The following LDHB variants were observed in gnomAD, a reference collection of about 807,000 sequenced individuals.
The protein encoded by LDHB is L-lactate dehydrogenase B chain.
LDHB carries 18 observed loss-of-function variants against 33.4 expected under a neutral mutation model. The observed-to-expected ratio is 0.54, with a 90% CI of 0.37 to 0.80. The LOEUF (loss-of-function observed/expected upper bound fraction) is 0.80, where lower values mean the gene tolerates loss of function less well. LDHB is among the 30% of genes least tolerant of loss of function. LDHB has a pLI of 0.00. For missense variants in LDHB, 345 were observed against 407.9 expected (o/e 0.85, Z 1.33); for synonymous variants, 121 against 140.6 (o/e 0.86, Z 0.98).
intron 4 of LDHB, 105 bp from the exon 5 acceptor site, chr12:21,642,230 A>G (rs1938395319): frequency 6.6e-6 from 5 of 759,214 alleles, no homozygotes; most frequent in Admixed American, 2.0e-5. Context: ...CCACTCCCCA[A>G]ATGAGATGTG....
At chr12:21,645,068 C>A (rs1057232992) in intron 3 of LDHB, among the ~76,000 whole-genome samples, 6 of 152,070 alleles carry the variant, frequency 3.9e-5, no homozygotes, top group African/African-American at 1.2e-4. Flanking sequence ...TAATCTGTAA[C>A]CCTACCCCCA....
intron 7 of LDHB, among the ~76,000 whole-genome samples, chr12:21,636,489 T>C (rs1279501163): frequency 6.6e-6 from 1 of 152,122 alleles, no homozygotes; most frequent in African/African-American, 2.4e-5. Flanking sequence ...AAAAATTTTG[T>C]ACATACACAA....
At chr12:21,641,228 T>A (rs1938361565) in intron 5 of LDHB, among the ~76,000 whole-genome samples, 1 of 152,124 alleles carries the variant, frequency 6.6e-6, no homozygotes, top group East Asian at 1.9e-4. Flanking sequence ...AAATACAACC[T>A]TAACTGAGTT....
rs754018227 is a variant in LDHB, at chr12:21,637,209, A to G, written c.714-15T>C. ...CTTCATAGGCACTTAAAAAAATTAT[A>G]AAAGACATCACTGAAATAAGACTCA... On this transcript the variant is annotated splice_polypyrimidine_tract_variant and intron_variant, in intron 6 of 7. Transcript: ENST00000350669. 2 of 1,573,896 alleles carry G rather than the reference A, an allele frequency of 1.3e-6. No homozygotes were observed. The highest frequency in any genetic ancestry group is 1.7e-6 in the Non-Finnish European group (2 of 1,146,906).
rs1486407942 is a variant in LDHB, at chr12:21,651,269, A to AT, written c.129+3273dup. ...GGGAGGATTTGTGAGGCCTCATGGGATTTTATGTATGTGTGTAGCATATGT... is the reference window on the plus strand; with the variant it reads ...GGGAGGATTTGTGAGGCCTCATGGGATTTTTATGTATGTGTGTAGCATATGT... On this transcript the variant is annotated intron_variant, in intron 2 of 7. Transcript: ENST00000350669. Among the ~76,000 whole-genome samples, 7 of 152,086 alleles carry AT rather than the reference A, an allele frequency of 4.6e-5. No homozygotes were observed. In the East Asian group the frequency reaches 1.3e-3, roughly 29 times the overall value.
At chr12:21,655,908 CCT>C (rs1256972008) in intron 1 of LDHB, among the ~76,000 whole-genome samples, 1 of 152,120 alleles carries the variant, frequency 6.6e-6, no homozygotes, top group Non-Finnish European at 1.5e-5. Context: ...TATATACCAC[CCT>C]GTCTTCTTGA....
intron 4 of LDHB, among the ~76,000 whole-genome samples, chr12:21,643,393 T>C (rs1201442917): frequency 6.6e-6 from 1 of 152,256 alleles, no homozygotes; most frequent in Non-Finnish European, 1.5e-5. Flanking sequence ...TTAATGTTCA[T>C]CCTGTAGATG....
chr12:21,636,541 A>C (rs1938222906), intron 7 of LDHB, among the ~76,000 whole-genome samples: 1 of 152,084 alleles, frequency 6.6e-6, no homozygotes. Context: ...GTACCCAAAG[A>C]CTCAGTAATT....
Position 21,650,148 on chromosome 12 carries a change from ACACG to A in LDHB, c.130-3136_130-3133del, listed in dbSNP as rs1325396005. Among the ~76,000 whole-genome samples the A allele has an allele frequency of 4.8e-3, 644 of 133,452 alleles. 8 individuals are homozygous for A. The highest frequency in any genetic ancestry group is 0.022 in the South Asian group (93 of 4,226). 87.5% of individuals were successfully genotyped at this position (133,452 alleles called of 152,430 possible). On this transcript the variant is annotated intron_variant, in intron 2 of 7. Coordinates refer to ENST00000350669, the MANE Select transcript of LDHB (RefSeq NM_002300.8). ...CACACACACACACACACACACACACACACGTCTCTCTCTCCAAGTGTTTAGTATG... is the reference window on the plus strand; with the variant it reads ...CACACACACACACACACACACACACATCTCTCTCTCCAAGTGTTTAGTATG...
chr12:21,640,688 T>C (rs1451860226), intron 5 of LDHB, among the ~76,000 whole-genome samples: 1 of 152,090 alleles, frequency 6.6e-6, no homozygotes, highest in Non-Finnish European at 1.5e-5. Flanking sequence ...ACCTATGCCC[T>C]GATCCTGGTT....
rs1023369927 is a variant in LDHB, at chr12:21,635,412, A to C, written c.*130T>G. The stretch of plus-strand genomic sequence containing the variant: ...AGCATTAAACCAAGCATAGGCTTTG[A>C]TTCTGTGAGCCCAAATTCACATATT... On this transcript the variant is annotated 3_prime_UTR_variant, in exon 8 of 8. Coordinates refer to ENST00000350669, the MANE Select transcript of LDHB (RefSeq NM_002300.8). 1.2e-6 allele frequency: 1 copy of C among 800,400 alleles called. No individual in the cohort carries two copies. Among genetic ancestry groups the C allele is most frequent in the Non-Finnish European group, 2.2e-6 (1 of 456,882 alleles). 49.6% of individuals were successfully genotyped at this position (800,400 alleles called of 1,614,324 possible).
In LDHB at chr12:21,654,596, C is replaced by T. The variant is rs374033725; in HGVS notation, c.76G>A (p.Val26Ile). 3.8e-5 allele frequency: 62 copies of T among 1,613,972 alleles called. No individual in the cohort carries two copies. Among genetic ancestry groups the T allele is most frequent in the Middle Eastern group, 1.6e-4 (1 of 6,084 alleles). Residue 26 changes from valine to isoleucine, a missense_variant, in exon 2 of 8, where the codon GTA (valine) becomes ATA (isoleucine). Physicochemically the swap from Val to Ile is conservative, Grantham distance 29. Transcript: ENST00000350669. ...EATVPNNKIT[V>I]VGVGQVGMAC... ...ATACCAACTTGTCCAACACCCACTA[C>T]AGTGATCTTATTGTTTGGAACTGTT...
intron 2 of LDHB, among the ~76,000 whole-genome samples, chr12:21,653,950 G>T (rs1322041850): frequency 6.6e-6 from 1 of 152,180 alleles, no homozygotes; most frequent in East Asian, 1.9e-4. Context: ...AGGGGATTAA[G>T]TTCAGCAGTA....
At chr12:21,637,759 T>C (rs956099250) in intron 6 of LDHB, among the ~76,000 whole-genome samples, 4 of 152,046 alleles carry the variant, frequency 2.6e-5, no homozygotes, top group African/African-American at 7.2e-5. Flanking sequence ...CACCCAATCA[T>C]TAGAAGACCT....
intron 3 of LDHB, among the ~76,000 whole-genome samples, chr12:21,645,196 C>A (rs1348381890): frequency 6.6e-6 from 1 of 150,622 alleles, no homozygotes; most frequent in Non-Finnish European, 1.5e-5. Context: ...AGAGTCATCA[C>A]CACTCCCTAA....
intron 5 of LDHB, 106 bp from the exon 6 acceptor site, chr12:21,638,576 C>T (rs974379822): frequency 2.0e-5 from 15 of 764,138 alleles, no homozygotes; most frequent in Non-Finnish European, 3.4e-5. Flanking sequence ...TTACTGAATA[C>T]CAACTGGAAC....
At chr12:21,645,318 CGTGGGAAGGGAAAGACCTGACT>C (rs1023739155) in intron 3 of LDHB, among the ~76,000 whole-genome samples, 31 of 152,152 alleles carry the variant, frequency 2.0e-4, no homozygotes, top group East Asian at 1.7e-3. Context: ...AATATGGCCT[CGTGGGAAGGGAAAGACCTGACT>C]GTGGGAAGGG....
intron 7 of LDHB, 89 bp from the exon 8 acceptor site, chr12:21,635,798 G>A: frequency 8.3e-7 from 1 of 1,198,946 alleles, no homozygotes; most frequent in Non-Finnish European, 1.2e-6. Flanking sequence ...AGGACTGTTT[G>A]AGCCCAGGAG....
chr12:21,653,281 C>G (rs1938745106), intron 2 of LDHB, among the ~76,000 whole-genome samples: 1 of 152,158 alleles, frequency 6.6e-6, no homozygotes, highest in Non-Finnish European at 1.5e-5. Context: ...CACTGATGAT[C>G]TCAGAATATG....
Sources: gnomAD v4.1 joint callset for allele counts (sites outside exome capture counted in the v4.1 genomes callset) on GRCh38, gnomAD v4.1.1 for gene constraint, MANE v1.5 for transcripts, NCBI Gene and HGNC (gene_info 2026-07-23, HGNC 2026-07-21) for gene names.